The following RAP1GAP2 variants were observed in gnomAD, a reference collection of about 807,000 sequenced individuals.
RAP1GAP2 encodes the protein RAP1 GTPase activating protein 2, also known as rap1 GTPase-activating protein 2.
A neutral mutation model predicts 95.0 loss-of-function variants in RAP1GAP2; 27 were observed. The observed-to-expected ratio is 0.28, with a 90% CI of 0.21 to 0.39. The LOEUF (loss-of-function observed/expected upper bound fraction) is 0.39. Among genes scored for constraint, RAP1GAP2 ranks in the 10% least tolerant of loss-of-function variants. RAP1GAP2 has a pLI of 1.00. For synonymous variants in RAP1GAP2, 373 were observed against 380.9 expected (o/e 0.98, Z 0.24); for missense variants, 771 against 970.0 (o/e 0.79, Z 2.72).
intron 2 of RAP1GAP2, among the ~76,000 whole-genome samples, chr17:2,805,731 T>C (rs2069487323): frequency 6.9e-6 from 1 of 145,944 alleles, no homozygotes; most frequent in South Asian, 2.3e-4. Context: ...CCCTGCATCT[T>C]TGCTAAAGAA....
chr17:3,001,498 G>A (rs1185643804), intron 14 of RAP1GAP2, among the ~76,000 whole-genome samples: 21 of 87,206 alleles, frequency 2.4e-4, no homozygotes, highest in African/African-American at 8.1e-4. Flanking sequence ...AACAAGATCA[G>A]CCTCAGGGCC....
chr17:2,990,301 A>G (rs1198046922), intron 11 of RAP1GAP2, among the ~76,000 whole-genome samples: 3 of 152,208 alleles, frequency 2.0e-5, no homozygotes, highest in Non-Finnish European at 4.4e-5. Flanking sequence ...AGCCTTTGGT[A>G]TATACCTCAG....
intron 2 of RAP1GAP2, among the ~76,000 whole-genome samples, chr17:2,895,078 A>G (rs972084747): frequency 2.0e-5 from 3 of 152,206 alleles, no homozygotes; most frequent in Non-Finnish European, 4.4e-5. Flanking sequence ...TCTCAGGCCC[A>G]TAATGTTTTC....
intron 1 of RAP1GAP2, among the ~76,000 whole-genome samples, chr17:2,799,600 G>A (rs937272296): frequency 6.6e-6 from 1 of 152,198 alleles, no homozygotes; most frequent in Non-Finnish European, 1.5e-5. Flanking sequence ...GAAGCTGACA[G>A]TGATGGTGAC....
intron 2 of RAP1GAP2, among the ~76,000 whole-genome samples, chr17:2,864,056 C>CAA (rs765106709): frequency 7.6e-6 from 1 of 131,682 alleles, no homozygotes; most frequent in Non-Finnish European, 1.6e-5. Context: ...CTGTCCCCCT[C>CAA]AAAAAAAAAA....
chr17:2,927,576 G>A (rs933438588), intron 3 of RAP1GAP2, among the ~76,000 whole-genome samples: 1 of 152,170 alleles, frequency 6.6e-6, no homozygotes, highest in African/African-American at 2.4e-5. Context: ...CCCATCTCAG[G>A]GGCAGCCTTA....
intron 5 of RAP1GAP2, 121 bp downstream of exon 5, chr17:2,962,835 C>T (rs1189691486): frequency 1.1e-5 from 11 of 969,942 alleles, no homozygotes; most frequent in Admixed American, 3.1e-5. Flanking sequence ...AACTCTGACT[C>T]GCACCACGGG....
intron 3 of RAP1GAP2, among the ~76,000 whole-genome samples, chr17:2,912,315 T>C (rs1421120622): frequency 6.6e-6 from 1 of 152,144 alleles, no homozygotes; most frequent in East Asian, 1.9e-4. Context: ...GTGTGGGGGC[T>C]TCTGTTCCAG....
rs577942577 is a variant in RAP1GAP2, at chr17:2,958,573, A to ATAT, written c.201+795_201+797dup. Among the ~76,000 whole-genome samples the ATAT allele has an allele frequency of 3.7e-3, 569 of 152,010 alleles. 2 individuals carry two copies. The highest frequency in any genetic ancestry group is 0.013 in the African/African-American group (548 of 41,462). Reference sequence around the variant, plus strand: ...CCTGCTAAGGCCTTCAGAAGTAGGCATATTATTATTATTATTATCCCCATA... The same window carrying ATAT: ...CCTGCTAAGGCCTTCAGAAGTAGGCATATTATTATTATTATTATTATCCCCATA... On this transcript the variant is annotated intron_variant, in intron 4 of 24. Coordinates refer to ENST00000254695, the MANE Select transcript of RAP1GAP2 (RefSeq NM_015085.5).
Position 2,962,676 on chromosome 17 carries a change from A to G in RAP1GAP2, c.208A>G (p.Lys70Glu). 1 of 1,593,620 alleles carries G rather than the reference A, an allele frequency of 6.3e-7. No homozygotes were observed. Among genetic ancestry groups the G allele is most frequent in the Non-Finnish European group, 8.5e-7 (1 of 1,171,312 alleles). Residue 70 changes from lysine to glutamate, a missense_variant, in exon 5 of 25, where the codon AAG (lysine) becomes GAG (glutamate). By Grantham distance (56) the Lys-to-Glu change is moderately conservative (BLOSUM62 1). Transcript: ENST00000254695. ...GTTTTCCTTGTTTCTATAGGGGATC[A>G]AGCTTGAAGAGCAGAAGCCGGGACC... ...FEMLEKMQGI[K>E]LEEQKPGPQK...
intron 3 of RAP1GAP2, among the ~76,000 whole-genome samples, chr17:2,919,746 AG>A (rs2042688271): frequency 6.6e-6 from 1 of 151,952 alleles, no homozygotes; most frequent in African/African-American, 2.4e-5. Flanking sequence ...TCTGTTGCCC[AG>A]GCTGGAGTGC....
intron 2 of RAP1GAP2, among the ~76,000 whole-genome samples, chr17:2,845,810 G>A (rs565908452): frequency 5.1e-4 from 78 of 151,966 alleles, no homozygotes; most frequent in African/African-American, 1.8e-3. Flanking sequence ...TTGGTGAGCC[G>A]AGGTCGCACC....
chr17:2,782,611 T>C (rs1331994842), intron 1 of RAP1GAP2, among the ~76,000 whole-genome samples: 1 of 152,192 alleles, frequency 6.6e-6, no homozygotes, highest in Non-Finnish European at 1.5e-5. Flanking sequence ...CTGGTACTAA[T>C]GGAGCTCTTC....
intron 3 of RAP1GAP2, among the ~76,000 whole-genome samples, chr17:2,923,708 C>T (rs1056271856): frequency 4.0e-5 from 6 of 151,646 alleles, no homozygotes; most frequent in African/African-American, 1.5e-4. Flanking sequence ...ACACCCCAGA[C>T]AATTTTAAAT....
chr17:2,854,517 C>T (rs1439469281), intron 2 of RAP1GAP2, among the ~76,000 whole-genome samples: 2 of 152,226 alleles, frequency 1.3e-5, no homozygotes, highest in Admixed American at 1.3e-4. Flanking sequence ...GGCCGAGATC[C>T]GCTTGCTCTG....
At chr17:2,779,674 A>G (rs2068592645) in intron 1 of RAP1GAP2, among the ~76,000 whole-genome samples, 2 of 132,186 alleles carry the variant, frequency 1.5e-5, no homozygotes, top group South Asian at 5.3e-4. Context: ...GACAGCTCAG[A>G]AGCAGGTGCT....
At chr17:2,847,304 G>A (rs1236558403) in intron 2 of RAP1GAP2, among the ~76,000 whole-genome samples, 1 of 152,158 alleles carries the variant, frequency 6.6e-6, no homozygotes, top group East Asian at 1.9e-4. Context: ...ACCGCGCCCG[G>A]CATCAAACCT....
At chr17:2,776,969 A>G (rs1360997563), upstream of RAP1GAP2, 2 of 152,838 alleles carry the variant, frequency 1.3e-5, no homozygotes, top group African/African-American at 4.8e-5. Context: ...CGGGGCTGGG[A>G]TTCCGCAGCC....
At chr17:2,862,082 G>C (rs944208136) in intron 2 of RAP1GAP2, among the ~76,000 whole-genome samples, 87 of 152,280 alleles carry the variant, frequency 5.7e-4, no homozygotes, top group African/African-American at 2.0e-3. Flanking sequence ...ACTTGCCCGT[G>C]TGTAGCTCTG....
Sources: gnomAD v4.1 joint callset for allele counts (sites outside exome capture counted in the v4.1 genomes callset) on GRCh38, gnomAD v4.1.1 for gene constraint, MANE v1.5 for transcripts, NCBI Gene and HGNC (gene_info 2026-07-23, HGNC 2026-07-21) for gene names.